The following SZT2 variants were observed in gnomAD, a reference collection of about 807,000 sequenced individuals.
SZT2 encodes KICSTOR complex protein SZT2.
A neutral mutation model predicts 404.2 loss-of-function variants in SZT2; 216 were observed. That is an observed-to-expected ratio of 0.53 (90% CI 0.48 to 0.60). The LOEUF is 0.60. SZT2 is among the 20% of genes least tolerant of loss of function. The pLI, the probability that SZT2 is intolerant of heterozygous loss-of-function variation, is 0.00. For missense variants in SZT2, 3,857 were observed against 4,459.2 expected (o/e 0.86, Z 3.85); for synonymous variants, 1,693 against 1,749.9 (o/e 0.97, Z 0.81).
In SZT2 at chr1:43,447,474, CCTGTGCCCCACCAGACCA is replaced by C. The variant is rs374858763; in HGVS notation, c.9287-70_9287-53del. 2.4e-5 allele frequency: 38 copies of C among 1,563,102 alleles called. No individual in the cohort carries two copies. In the African/African-American group the frequency reaches 2.8e-4, roughly 12 times the overall value. On this transcript the variant is annotated intron_variant, in intron 66 of 71. Coordinates refer to ENST00000634258, the MANE Select transcript of SZT2 (RefSeq NM_001365999.1). ...AGTCAGAGCCTTAAAGACTCCCATCCCTGTGCCCCACCAGACCAGTGTGTCTGTCCTAGGCTTAGTGTC... is the reference window on the plus strand; with the variant it reads ...AGTCAGAGCCTTAAAGACTCCCATCCGTGTGTCTGTCCTAGGCTTAGTGTC...
At chr1:43,423,417 G>A (rs1652670701) in intron 15 of SZT2, 101 bp downstream of exon 15, 2 of 1,214,046 alleles carry the variant, frequency 1.6e-6, no homozygotes, top group Non-Finnish European at 1.1e-6. Flanking sequence ...TAGAGGTGTG[G>A]AGTGCGTGGC....
intron 1 of SZT2, among the ~76,000 whole-genome samples, chr1:43,396,825 A>T (rs575744234): frequency 6.6e-6 from 1 of 152,350 alleles, no homozygotes; most frequent in African/African-American, 2.4e-5. Flanking sequence ...ATAAAGAAGA[A>T]GATACTAGTG....
At position 43,453,137 on chromosome 1, in the gene SZT2, C is replaced by A; in HGVS notation, c.*2657C>A. ...ATGCATCACTGTATATATTTACTCT[C>A]CTATCTGCCTAGGCAGACTGAGCTC... On this transcript the variant is annotated 3_prime_UTR_variant, in exon 72 of 72. Coordinates refer to ENST00000634258, the MANE Select transcript of SZT2 (RefSeq NM_001365999.1). 1.4e-6 allele frequency: 1 copy of A among 691,148 alleles called. No homozygotes were observed. The highest frequency in any genetic ancestry group is 2.1e-5 in the Admixed American group (1 of 47,148). The allele number at this position is 691,148 out of a possible 1,614,324, so 42.8% of individuals were successfully genotyped here.
rs1654811655 is a variant in SZT2 at position 43,439,329 on chromosome 1, T to C, written c.6793-29T>C. The C allele has an allele frequency of 6.2e-7, 1 of 1,612,806 alleles. No individual in the cohort carries two copies. Among genetic ancestry groups the C allele is most frequent in the East Asian group, 2.2e-5 (1 of 44,876 alleles). The stretch of plus-strand genomic sequence containing the variant: ...GAGGGTTTTGTCCATTTGCTTGCTC[T>C]TAGTGCTCTGTGGCTGTTCTTTCCC... On this transcript the variant is annotated intron_variant, in intron 48 of 71. Coordinates refer to ENST00000634258, the MANE Select transcript of SZT2 (RefSeq NM_001365999.1). This position sits in a 1 kb window ranked among gnomAD's most constrained non-coding sequence, Gnocchi z 4.2.
rs1653327546 is a variant in SZT2, at chr1:43,427,627, G to C, written c.3696G>C (p.Gly1232=). The part of the protein sequence containing the change: ...RQASQTESAD[G]PRTRCPVYIY... Reference sequence around the variant, plus strand: ...CTTCCCAGACAGAGAGTGCGGATGGGCCCCGGACCCGGTGTCCTGTCTACA... The same window carrying C: ...CTTCCCAGACAGAGAGTGCGGATGGCCCCCGGACCCGGTGTCCTGTCTACA... The change falls in exon 26 of 72, where the codon GGG becomes GGC. Residue 1232 remains glycine (G), a synonymous_variant. Transcript: ENST00000634258. The C allele has an allele frequency of 6.2e-7, 1 of 1,614,088 alleles. No individual in the cohort carries two copies. The highest frequency in any genetic ancestry group is 1.1e-5 in the South Asian group (1 of 91,084).
intron 42 of SZT2, chr1:43,436,434 T>G (rs1212485865): frequency 6.6e-6 from 1 of 152,216 alleles, no homozygotes; most frequent in Admixed American, 6.5e-5. Flanking sequence ...GTAAGACCAG[T>G]CAGAACCCAG....
At chr1:43,412,469 T>G (rs139796054) in intron 4 of SZT2, 1 of 152,270 alleles carries the variant, frequency 6.6e-6, no homozygotes, top group East Asian at 1.9e-4. Flanking sequence ...AATTTTTAGT[T>G]TTTTTGTAGA....
chr1:43,394,827 C>G (rs1037367851), intron 1 of SZT2, among the ~76,000 whole-genome samples: 1 of 149,862 alleles, frequency 6.7e-6, no homozygotes, highest in Non-Finnish European at 1.5e-5. Context: ...TGCGGTGAGC[C>G]GAGATGGTGC....
Position 43,451,250 on chromosome 1 carries a change from C to T in SZT2, c.*770C>T, listed in dbSNP as rs568498553. ...GGTGTGCGGGCCCTCACTGGCCAGCCTCTGGGTGGCCCCGCCTATCCCAGT... is the reference window on the plus strand; with the variant it reads ...GGTGTGCGGGCCCTCACTGGCCAGCTTCTGGGTGGCCCCGCCTATCCCAGT... On this transcript the variant is annotated 3_prime_UTR_variant, in exon 72 of 72. Coordinates refer to ENST00000634258, the MANE Select transcript of SZT2 (RefSeq NM_001365999.1). 83 of 1,614,006 alleles carry T rather than the reference C, an allele frequency of 5.1e-5. No individual in the cohort carries two copies. The African/African-American group carries it at 1.0e-3, about 20-fold the overall frequency.
At position 43,453,686 on chromosome 1, in the gene SZT2, C is replaced by G; in HGVS notation, c.*3206C>G. ...GCGTCTCCGCGTACGGCCAGGCCAC[C>G]TCGACGGCCTCGAAGCCCGAGCTGC... On this transcript the variant is annotated 3_prime_UTR_variant, in exon 72 of 72. Coordinates refer to ENST00000634258, the MANE Select transcript of SZT2 (RefSeq NM_001365999.1). The G allele has an allele frequency of 1.4e-6, 2 of 1,453,928 alleles. No homozygotes were observed. Among genetic ancestry groups the G allele is most frequent in the Non-Finnish European group, 1.8e-6 (2 of 1,112,878 alleles). 90.1% of individuals were successfully genotyped at this position (1,453,928 alleles called of 1,614,324 possible).
In SZT2 at chr1:43,430,180, C is replaced by CT. The variant is rs571326621; in HGVS notation, c.4401+78dup. The CT allele has an allele frequency of 5.3e-3, 8,398 of 1,584,624 alleles. 41 individuals carry two copies. Among genetic ancestry groups the CT allele is most frequent in the Non-Finnish European group, 6.4e-3 (7,362 of 1,153,580 alleles). ...CCAGACCCTCTTGAGTCTTGGTTCC[C>CT]TGAGGCCTGGATGTGGCTCTTGTCT... On this transcript the variant is annotated intron_variant, in intron 30 of 71. Coordinates refer to ENST00000634258, the MANE Select transcript of SZT2 (RefSeq NM_001365999.1).
chr1:43,443,626 G>A lies in SZT2; in HGVS notation c.8655G>A (p.Gly2885=), dbSNP rs1455255840. Residue 2885 remains glycine (G), a synonymous_variant, in exon 62 of 72, where the codon GGG becomes GGA. Transcript: ENST00000634258. ...QRRHRPESGS[G]SREAPTSCES... ...GCCATCGCCCTGAGTCAGGGTCTGG[G>A]AGCCGAGAGGCCCCCACAAGCTGTG... 1 of 1,614,090 alleles carries A rather than the reference G, an allele frequency of 6.2e-7. No individual in the cohort carries two copies. Among genetic ancestry groups the A allele is most frequent in the Admixed American group, 1.7e-5 (1 of 60,010 alleles).
chr1:43,436,673 G>A (rs1654487618), intron 42 of SZT2: 1 of 159,126 alleles, frequency 6.3e-6, no homozygotes, highest in Non-Finnish European at 1.4e-5. Flanking sequence ...CTGTGGCCAT[G>A]GGCTCCTGTG....
chr1:43,404,303 C>A, intron 3 of SZT2, 77 bp from the exon 4 acceptor site: 1 of 1,255,042 alleles, frequency 8.0e-7, no homozygotes, highest in Non-Finnish European at 1.1e-6. Context: ...TCCTACTGAC[C>A]CATGGAAGCT....
At chr1:43,406,601 G>A (rs1374602190) in intron 4 of SZT2, 1 of 152,564 alleles carries the variant, frequency 6.6e-6, no homozygotes, top group African/African-American at 2.4e-5. Flanking sequence ...GGATGGTAAA[G>A]AGGAGACTGT....
At position 43,440,049 on chromosome 1, in the gene SZT2, G is replaced by A. The variant is rs1227738008; in HGVS notation, c.7210+1G>A. ...CTATGTACAGAGGACACACCCACAG[G>A]TATGCAAGTCAAGAGGTCCCTGGGG... On this transcript the variant is annotated splice_donor_variant, in intron 51 of 71. Coordinates refer to ENST00000634258, the MANE Select transcript of SZT2 (RefSeq NM_001365999.1). LOFTEE classifies it high-confidence loss of function. The A allele has an allele frequency of 4.3e-6, 7 of 1,613,890 alleles. No homozygotes were observed. The South Asian group carries it at 5.5e-5, about 13-fold the overall frequency.
At chr1:43,413,042 T>C (rs893181599) in intron 4 of SZT2, among the ~76,000 whole-genome samples, 9 of 152,168 alleles carry the variant, frequency 5.9e-5, no homozygotes, top group East Asian at 3.9e-4. Flanking sequence ...AAAGGTAACG[T>C]TGTGCACTCT....
In SZT2 at chr1:43,422,073, C is replaced by G. The variant is rs772351156; in HGVS notation, c.1627-10C>G. 6.3e-6 allele frequency: 10 copies of G among 1,591,764 alleles called. No homozygotes were observed. Among genetic ancestry groups the G allele is most frequent in the Non-Finnish European group, 8.5e-6 (10 of 1,174,742 alleles). On this transcript the variant is annotated splice_polypyrimidine_tract_variant and intron_variant, in intron 11 of 71. Coordinates refer to ENST00000634258, the MANE Select transcript of SZT2 (RefSeq NM_001365999.1). ...AAATGCTCCTATAGTGCTGTCCTTC[C>G]TGTCCTCAGGTGCTCTCCCTCCAGC...
At chr1:43,416,925 A>G (rs1256896670) in intron 7 of SZT2, among the ~76,000 whole-genome samples, 1 of 152,168 alleles carries the variant, frequency 6.6e-6, no homozygotes, top group African/African-American at 2.4e-5. Context: ...ATTAGTCATT[A>G]TTGTTTTGAG....
Sources: allele counts gnomAD v4.1 joint callset (sites outside exome capture counted in the v4.1 genomes callset), GRCh38; gene constraint gnomAD v4.1.1; non-coding constraint Gnocchi (gnomAD v3.1); transcripts MANE v1.5; gene names NCBI Gene and HGNC (gene_info 2026-07-23, HGNC 2026-07-21).